Variants in UNC80 observed in about 807,000 individuals in gnomAD.
UNC80 encodes the protein protein unc-80 homolog.
In UNC80, 164 loss-of-function variants were observed where a neutral mutation model predicts 384.6. That is an observed-to-expected ratio of 0.43 (90% CI 0.38 to 0.49). The LOEUF (loss-of-function observed/expected upper bound fraction) is 0.49. Among genes scored for constraint, UNC80 ranks in the 20% least tolerant of loss-of-function variants. The pLI is 0.00. For synonymous variants in UNC80, 1,486 were observed against 1,527.8 expected (o/e 0.97, Z 0.64); for missense variants, 3,330 against 4,143.0 (o/e 0.80, Z 5.39).
At chr2:209,988,534 G>A (rs2093334380) in intron 61 of UNC80, among the ~76,000 whole-genome samples, 1 of 151,858 alleles carries the variant, frequency 6.6e-6, no homozygotes, top group South Asian at 2.1e-4. Context: ...TGTATATAGT[G>A]CATAAAAGAT....
Position 209,829,264 on chromosome 2 carries a change from A to G in UNC80, c.2511A>G (p.Leu837=), listed in dbSNP as rs1444795080. 1 of 1,551,312 alleles carries G rather than the reference A, an allele frequency of 6.4e-7. No homozygotes were observed. Among genetic ancestry groups the G allele is most frequent in the African/African-American group, 1.4e-5 (1 of 73,028 alleles). ...ACTGCCTCACTAAGCTATACAAGCT[A>G]GATAAGATGCAGTTCCGACAAACCA... The part of the protein sequence containing the change: ...AQNCLTKLYK[L]DKMQFRQTMR... The change falls in exon 15 of 65, where the codon CTA becomes CTG. Residue 837 remains leucine (L), a synonymous_variant. Coordinates refer to ENST00000673920, the MANE Select transcript of UNC80 (RefSeq NM_001371986.1).
At chr2:209,922,461 C>G in intron 35 of UNC80, 78 bp downstream of exon 35, 1 of 1,412,322 alleles carries the variant, frequency 7.1e-7, no homozygotes, top group Non-Finnish European at 9.5e-7. Flanking sequence ...CATGATCTCA[C>G]TTGATTACAT....
At chr2:209,895,969 C>T (rs1432714098) in intron 27 of UNC80, among the ~76,000 whole-genome samples, 1 of 152,170 alleles carries the variant, frequency 6.6e-6, no homozygotes, top group East Asian at 1.9e-4. Flanking sequence ...AATACACCTG[C>T]AAGGTCTGGT....
At chr2:209,845,979 CTCTT>C (rs1251931167) in intron 21 of UNC80, among the ~76,000 whole-genome samples, 2 of 151,678 alleles carry the variant, frequency 1.3e-5, no homozygotes, top group East Asian at 3.9e-4. Context: ...CTTGCTCTCT[CTCTT>C]CTTTCTTTTC....
At chr2:209,812,442 G>T (rs2079432446) in intron 7 of UNC80, among the ~76,000 whole-genome samples, 2 of 151,344 alleles carry the variant, frequency 1.3e-5, no homozygotes, top group African/African-American at 4.9e-5. Flanking sequence ...GTGAGCCGTA[G>T]ATTTTTTAAT....
At chr2:209,773,041 TTAA>T (rs2076670983) in intron 1 of UNC80, 50 bp from the exon 2 acceptor site, 5 of 1,402,572 alleles carry the variant, frequency 3.6e-6, no homozygotes, top group Non-Finnish European at 5.0e-6. Flanking sequence ...CAAGGATGCT[TTAA>T]TAATAATTTT....
At chr2:209,981,995 G>T (rs991623644) in intron 59 of UNC80, among the ~76,000 whole-genome samples, 184 bp from the exon 60 acceptor site, 3 of 152,150 alleles carry the variant, frequency 2.0e-5, no homozygotes, top group Non-Finnish European at 2.9e-5. Context: ...TAGACACGAA[G>T]AATTATCATT....
chr2:209,819,250 C>T lies in UNC80; in HGVS notation c.1951C>T (p.Leu651Phe). ...TAACTTTGTCCACAAGAATGGAATG[C>T]TTGATCTTTCTGTAAGAAGCAAGAA... ...TNNFVHKNGM[L>F]DLSVVLKAVY... The change falls in exon 12 of 65, where the codon CTT becomes TTT. Residue 651 changes from leucine to phenylalanine, a missense_variant. Leu to Phe is a conservative substitution (Grantham distance 22). Transcript: ENST00000673920. 1 of 1,545,574 alleles carries T rather than the reference C, an allele frequency of 6.5e-7. No individual in the cohort carries two copies. Among genetic ancestry groups the T allele is most frequent in the Non-Finnish European group, 8.7e-7 (1 of 1,143,576 alleles).
intron 21 of UNC80, 139 bp downstream of exon 21, chr2:209,842,585 A>G (rs905422241): frequency 2.0e-5 from 13 of 658,044 alleles, no homozygotes; most frequent in Non-Finnish European, 3.1e-5. Context: ...ACCACTGTCT[A>G]TAGCTTCTGT....
intron 14 of UNC80, 69 bp from the exon 15 acceptor site, chr2:209,829,163 C>T: frequency 1.3e-6 from 2 of 1,523,488 alleles, no homozygotes; most frequent in Non-Finnish European, 1.8e-6. Context: ...AGGCTTCTGT[C>T]TCAGACTACC....
chr2:209,953,694 A>G (rs1357340467), intron 47 of UNC80, among the ~76,000 whole-genome samples: 7 of 152,114 alleles, frequency 4.6e-5, no homozygotes, highest in African/African-American at 1.4e-4. Flanking sequence ...CTCCCATGAA[A>G]GGGTTTTATG....
At chr2:209,933,025 A>G (rs958720131) in intron 38 of UNC80, among the ~76,000 whole-genome samples, 2 of 152,184 alleles carry the variant, frequency 1.3e-5, no homozygotes, top group African/African-American at 4.8e-5. Flanking sequence ...TTGAAGAAAC[A>G]ATGGTTAAAA....
chr2:209,931,573 G>A (rs1553604350), intron 38 of UNC80, among the ~76,000 whole-genome samples: 1 of 152,122 alleles, frequency 6.6e-6, no homozygotes, highest in Non-Finnish European at 1.5e-5. Context: ...TGAATATGCA[G>A]TTTGGGGACT....
In UNC80 at chr2:209,972,221, T is replaced by A. The variant is rs1312321208; in HGVS notation, c.8277T>A (p.Pro2759=). 6.4e-7 allele frequency: 1 copy of A among 1,551,200 alleles called. No homozygotes were observed. The highest frequency in any genetic ancestry group is 1.4e-5 in the African/African-American group (1 of 73,018). Reference sequence around the variant, plus strand: ...CACAGGCTTTAAAAGAAGATTTTCCTTTAAGCCATGTGATCTCCCCATTCA... The same window carrying A: ...CACAGGCTTTAAAAGAAGATTTTCCATTAAGCCATGTGATCTCCCCATTCA... The part of the protein sequence containing the change: ...LQIQALKEDF[P]LSHVISPFTN... The change falls in exon 55 of 65, where the codon CCT becomes CCA. Residue 2759 remains proline (P), a synonymous_variant. Coordinates refer to ENST00000673920, the MANE Select transcript of UNC80 (RefSeq NM_001371986.1).
Position 209,912,638 on chromosome 2 carries a change from T to G in UNC80, c.4861T>G (p.Ser1621Ala). The G allele has an allele frequency of 6.4e-7, 1 of 1,551,344 alleles. No individual in the cohort carries two copies. The highest frequency in any genetic ancestry group is 8.7e-7 in the Non-Finnish European group (1 of 1,146,818). The change falls in exon 30 of 65, where the codon TCC becomes GCC. Residue 1621 changes from serine (S) to alanine (A), a missense_variant. This residue lies in a region of UNC80 where 801 missense variants were observed against 950.8 expected (regional missense o/e 0.84). Coordinates refer to ENST00000673920, the MANE Select transcript of UNC80 (RefSeq NM_001371986.1). Reference protein sequence around the residue: ...SDANLEGKKDSGMLKYIRLQV... With the variant: ...SDANLEGKKDAGMLKYIRLQV... ...TGCCAATCTGGAAGGAAAAAAAGAT[T>G]CCGGAATGCTGAAGTACATCAGACT... is the stretch of plus-strand genomic sequence containing the variant.
At chr2:209,773,167 A>G in intron 2 of UNC80, 25 bp downstream of exon 2, 1 of 1,603,138 alleles carries the variant, frequency 6.2e-7, no homozygotes, top group Non-Finnish European at 8.5e-7. Flanking sequence ...CCATTTAATA[A>G]TTATTTCCCT....
In UNC80 at chr2:209,954,151, G is replaced by C; in HGVS notation, c.7338G>C (p.Lys2446Asn). 1 of 1,551,102 alleles carries C rather than the reference G, an allele frequency of 6.4e-7. No individual in the cohort carries two copies. Among genetic ancestry groups the C allele is most frequent in the East Asian group, 2.4e-5 (1 of 40,912 alleles). Residue 2446 changes from lysine to asparagine, a missense_variant, in exon 48 of 65, where the codon AAG (lysine) becomes AAC (asparagine). Transcript: ENST00000673920. The stretch of plus-strand genomic sequence containing the variant: ...CCTTAGTTCCATGTTACCTACAAAA[G>C]CTAAAGAGGCAGACATCACAGGTGG... Reference protein sequence around the residue: ...LEALVPCYLQKLKRQTSQVET... With the variant: ...LEALVPCYLQNLKRQTSQVET...
chr2:209,978,617 G>A lies in UNC80; in HGVS notation c.9027G>A (p.Thr3009=), dbSNP rs143537680. ...LSLATMSRSN[T]GTGTVWEQDS... ...TGGCCACCATGTCCCGCTCTAACAC[G>A]GGCACGGGCACTGTCTGGGAGCAGG... Residue 3009 remains threonine, a synonymous_variant, in exon 59 of 65, where the codon ACG becomes ACA. Coordinates refer to ENST00000673920, the MANE Select transcript of UNC80 (RefSeq NM_001371986.1). The A allele has an allele frequency of 8.8e-5, 136 of 1,551,432 alleles. 1 individual carries two copies. The highest frequency in any genetic ancestry group is 6.3e-4 in the South Asian group (53 of 84,036).
intron 10 of UNC80, 42 bp from the exon 11 acceptor site, chr2:209,817,770 A>C (rs1161110483): frequency 2.6e-6 from 4 of 1,548,900 alleles, no homozygotes; most frequent in Non-Finnish European, 3.5e-6. Flanking sequence ...AATAACTTTC[A>C]GATTTTAAAA....
Sources: allele counts gnomAD v4.1 joint callset (sites outside exome capture counted in the v4.1 genomes callset), GRCh38; gene constraint gnomAD v4.1.1; regional missense constraint gnomAD v4.1.1; transcripts MANE v1.5; gene names NCBI Gene and HGNC (gene_info 2026-07-23, HGNC 2026-07-21).